CNTN5: variants seen among roughly 807,000 people sequenced by gnomAD.
The protein encoded by CNTN5 is contactin 5.
In CNTN5, 77 loss-of-function variants were observed where a neutral mutation model predicts 129.1. The observed-to-expected ratio is 0.60, with a 90% CI of 0.50 to 0.72. CNTN5 has a LOEUF of 0.72. CNTN5 is among the 30% of genes least tolerant of loss of function. The pLI is 0.00. For synonymous variants in CNTN5, 509 were observed against 465.6 expected, an observed-to-expected ratio of 1.09 and a Z score of -1.20; for missense variants, 1,478 against 1,328.8, an observed-to-expected ratio of 1.11 and a Z score of -1.75.
chr11:99,547,828 T>A (rs1218168890), intron 2 of CNTN5, among the ~76,000 whole-genome samples: 1 of 152,226 alleles, frequency 6.6e-6, no homozygotes, highest in Non-Finnish European at 1.5e-5. Context: ...TTCTTTCAGA[T>A]AGTTCAGTGT....
intron 1 of CNTN5, among the ~76,000 whole-genome samples, chr11:99,146,303 A>G (rs868189169): frequency 6.6e-6 from 1 of 152,280 alleles, no homozygotes; most frequent in South Asian, 2.1e-4. Context: ...TAATTCGTTT[A>G]TCCATTTGCA....
intron 3 of CNTN5, among the ~76,000 whole-genome samples, chr11:99,631,957 C>G (rs925796554): frequency 1.3e-5 from 2 of 151,992 alleles, no homozygotes; most frequent in African/African-American, 4.8e-5. Context: ...GTTTTATTGT[C>G]AGTTATTGTT....
rs146381089 is a variant in CNTN5 at position 100,044,578 on chromosome 11, G to C, written c.981-16634G>C. 1.9e-3 allele frequency among the ~76,000 whole-genome samples: 295 copies of C among 151,392 alleles called. 1 individual carries two copies. Among genetic ancestry groups the C allele is most frequent in the African/African-American group, 6.6e-3 (274 of 41,302 alleles). On this transcript the variant is annotated intron_variant, in intron 9 of 24. Transcript: ENST00000524871. The stretch of plus-strand genomic sequence containing the variant: ...TTAATTTGCATTGATCTGATGCCTA[G>C]TGATGCTGACTAATCTTTCATATGC...
At chr11:99,052,245 AT>A (rs772894041) in intron 1 of CNTN5, among the ~76,000 whole-genome samples, 1 of 151,906 alleles carries the variant, frequency 6.6e-6, no homozygotes, top group Non-Finnish European at 1.5e-5. Flanking sequence ...CATACATGGT[AT>A]AAATGCATGA....
intron 16 of CNTN5, among the ~76,000 whole-genome samples, chr11:100,234,879 C>A (rs1949577207): frequency 6.7e-6 from 1 of 149,498 alleles, no homozygotes; most frequent in African/African-American, 2.4e-5. Flanking sequence ...AGACTTCTTT[C>A]TGCATAATCT....
intron 4 of CNTN5, among the ~76,000 whole-genome samples, chr11:99,841,146 C>G (rs1306239526): frequency 6.6e-6 from 1 of 152,050 alleles, no homozygotes; most frequent in Non-Finnish European, 1.5e-5. Flanking sequence ...GACGCACTGG[C>G]TTAACAGCAA....
intron 3 of CNTN5, among the ~76,000 whole-genome samples, chr11:99,665,279 A>G (rs937261799): frequency 6.6e-6 from 1 of 152,104 alleles, no homozygotes; most frequent in Non-Finnish European, 1.5e-5. Context: ...TGTGACCTGG[A>G]GTTAAGAAAG....
At chr11:99,563,257 A>G (rs975224365) in intron 3 of CNTN5, among the ~76,000 whole-genome samples, 1 of 152,184 alleles carries the variant, frequency 6.6e-6, no homozygotes, top group Admixed American at 6.6e-5. Flanking sequence ...GAAGTAGTAG[A>G]AACCCCAGCG....
intron 1 of CNTN5, among the ~76,000 whole-genome samples, chr11:99,315,695 G>A (rs1865309500): frequency 1.3e-5 from 2 of 149,402 alleles, no homozygotes; most frequent in South Asian, 2.1e-4. Flanking sequence ...CATATAGAAA[G>A]TCTATATGGG....
At chr11:99,571,731 G>T (rs1034365365) in intron 3 of CNTN5, among the ~76,000 whole-genome samples, 1 of 152,090 alleles carries the variant, frequency 6.6e-6, no homozygotes, top group Non-Finnish European at 1.5e-5. Context: ...TGAAGTATGG[G>T]TACATATCCT....
At chr11:99,087,680 G>T (rs1375377300) in intron 1 of CNTN5, among the ~76,000 whole-genome samples, 2 of 152,118 alleles carry the variant, frequency 1.3e-5, no homozygotes, top group Admixed American at 6.5e-5. Flanking sequence ...AATAAATGTG[G>T]TACCCTGTAC....
At chr11:100,261,986 GAA>G (rs1950208839) in intron 17 of CNTN5, among the ~76,000 whole-genome samples, 1 of 152,150 alleles carries the variant, frequency 6.6e-6, no homozygotes, top group South Asian at 2.1e-4. Flanking sequence ...CACAGTGAAA[GAA>G]ACTATCATCA....
intron 1 of CNTN5, among the ~76,000 whole-genome samples, chr11:99,104,391 A>G: frequency 6.6e-6 from 1 of 152,070 alleles, no homozygotes; most frequent in East Asian, 1.9e-4. Context: ...TGACGACCAA[A>G]GCGGGTGTAG....
chr11:99,994,956 G>A (rs1479896950), intron 8 of CNTN5, among the ~76,000 whole-genome samples: 1 of 152,158 alleles, frequency 6.6e-6, no homozygotes, highest in Non-Finnish European at 1.5e-5. Flanking sequence ...GTATGGAGGG[G>A]CATGGGGAAA....
At position 100,164,272 on chromosome 11, in the gene CNTN5, A is replaced by G. The variant is rs568268302; in HGVS notation, c.1581-26854A>G. Among the ~76,000 whole-genome samples the G allele has an allele frequency of 9.9e-5, 15 of 151,998 alleles. No homozygotes were observed. In the South Asian group the frequency reaches 3.1e-3, roughly 32 times the overall value. On this transcript the variant is annotated intron_variant, in intron 13 of 24. Transcript: ENST00000524871. Reference sequence around the variant, plus strand: ...TAAATAGAAGGAGATGACAAAGTGTATAGTTAATAATGTATACTTTTAATG... The same window carrying G: ...TAAATAGAAGGAGATGACAAAGTGTGTAGTTAATAATGTATACTTTTAATG...
rs35204165 is a variant in CNTN5, at chr11:99,744,721, G to GAA, written c.56-74806_56-74805dup. ...GGCAACAGGGTAAGACCCTGTCTCA[G>GAA]AAAAAAAAAAAAAAAAAAGTTGGAG... On this transcript the variant is annotated intron_variant, in intron 3 of 24. Coordinates refer to ENST00000524871, the MANE Select transcript of CNTN5 (RefSeq NM_014361.4). Among the ~76,000 whole-genome samples, 390 of 112,822 alleles carry GAA rather than the reference G, an allele frequency of 3.5e-3. 3 individuals carry two copies. The highest frequency in any genetic ancestry group is 5.5e-3 in the Non-Finnish European group (307 of 55,612). 74.0% of individuals were successfully genotyped at this position (112,822 alleles called of 152,430 possible). A position where few individuals can be genotyped will look rare whatever the true frequency, so the allele number is the denominator to read the frequency against.
intron 3 of CNTN5, among the ~76,000 whole-genome samples, chr11:99,654,485 A>G (rs1288176881): frequency 6.6e-6 from 1 of 152,060 alleles, no homozygotes; most frequent in Admixed American, 6.6e-5. Context: ...AACAGGGGGT[A>G]GTATGGGACC....
At chr11:99,046,710 A>G (rs1864225436) in intron 1 of CNTN5, among the ~76,000 whole-genome samples, 1 of 152,262 alleles carries the variant, frequency 6.6e-6, no homozygotes, top group African/African-American at 2.4e-5. Flanking sequence ...CAGGATATGT[A>G]CTAGAAAAGT....
At chr11:99,420,016 G>C (rs562193158) in intron 2 of CNTN5, among the ~76,000 whole-genome samples, 2 of 152,166 alleles carry the variant, frequency 1.3e-5, no homozygotes, top group East Asian at 1.9e-4. Flanking sequence ...AAATAAAGTA[G>C]GAGAAGTGCT....
Sources: allele counts gnomAD v4.1 joint callset (sites outside exome capture counted in the v4.1 genomes callset), GRCh38; gene constraint gnomAD v4.1.1; transcripts MANE v1.5; gene names NCBI Gene and HGNC (gene_info 2026-07-23, HGNC 2026-07-21).